FRMD4A: variants seen among roughly 807,000 people sequenced by gnomAD.
FRMD4A encodes FERM domain-containing protein 4A.
FRMD4A carries 29 observed loss-of-function variants against 129.1 expected under a neutral mutation model. The observed-to-expected ratio is 0.22, with a 90% CI of 0.17 to 0.31. FRMD4A has a LOEUF of 0.31. Among genes scored for constraint, FRMD4A ranks in the 10% least tolerant of loss-of-function variants. The pLI is 1.00. For missense variants in FRMD4A, 1,272 were observed against 1,375.8 expected, an observed-to-expected ratio of 0.92 and a Z score of 1.19; for synonymous variants, 634 against 571.6, an observed-to-expected ratio of 1.11 and a Z score of -1.56.
rs1843419301 is a variant in FRMD4A at position 14,329,372 on chromosome 10, C to T, written c.45+686G>A. Among the ~76,000 whole-genome samples the T allele has an allele frequency of 2.0e-5, 3 of 152,198 alleles. No individual in the cohort carries two copies. The South Asian group carries it at 6.2e-4, about 31-fold the overall frequency. ...AAGCCAAAAGCCAATTGGGTTGGAA[C>T]AAGACAGTGCCCATGTCCTTGTGTG... On this transcript the variant is annotated intron_variant, in intron 2 of 24. Coordinates refer to ENST00000357447, the MANE Select transcript of FRMD4A (RefSeq NM_018027.5).
intron 2 of FRMD4A, among the ~76,000 whole-genome samples, chr10:13,879,288 G>A (rs1445007758): frequency 6.6e-6 from 1 of 151,888 alleles, no homozygotes; most frequent in Admixed American, 6.6e-5. Context: ...GCTTTGGCCT[G>A]GAGTTCAAAA....
At chr10:14,230,010 G>A (rs1014441286) in intron 2 of FRMD4A, among the ~76,000 whole-genome samples, 1 of 152,212 alleles carries the variant, frequency 6.6e-6, no homozygotes, top group Non-Finnish European at 1.5e-5. Context: ...GTCTATAGAG[G>A]AAGGCTGATC....
At chr10:13,862,954 CT>C (rs963220545) in intron 2 of FRMD4A, among the ~76,000 whole-genome samples, 25 of 138,296 alleles carry the variant, frequency 1.8e-4, no homozygotes, top group East Asian at 4.2e-4. Context: ...TTTTTTGTTT[CT>C]TTTTTTTTTC....
intron 2 of FRMD4A, among the ~76,000 whole-genome samples, chr10:14,064,576 T>A (rs569994062): frequency 1.3e-5 from 2 of 152,290 alleles, no homozygotes; most frequent in Non-Finnish European, 2.9e-5. Context: ...ATTCTGCTTA[T>A]TTTTTTATTT....
intron 2 of FRMD4A, among the ~76,000 whole-genome samples, chr10:14,218,844 A>G (rs1466636100): frequency 6.6e-6 from 1 of 151,574 alleles, no homozygotes; most frequent in Admixed American, 6.6e-5. Flanking sequence ...AATCCCAGCT[A>G]TTTGGGAGGC....
chr10:13,849,895 C>A (rs145226497), intron 3 of FRMD4A, among the ~76,000 whole-genome samples: 1 of 151,696 alleles, frequency 6.6e-6, no homozygotes, highest in Admixed American at 6.6e-5. Flanking sequence ...TTAGGCCGGG[C>A]GCAGTGGCTC....
At chr10:14,241,244 A>G (rs2132004689) in intron 2 of FRMD4A, among the ~76,000 whole-genome samples, 1 of 152,342 alleles carries the variant, frequency 6.6e-6, no homozygotes, top group East Asian at 1.9e-4. Flanking sequence ...TTCCTTCACT[A>G]TATTTATGAA....
intron 13 of FRMD4A, among the ~76,000 whole-genome samples, chr10:13,704,995 G>A (rs574154871): frequency 6.6e-6 from 1 of 152,234 alleles, no homozygotes; most frequent in Admixed American, 6.5e-5. Flanking sequence ...AATTGCTTGA[G>A]CCTGGAAGGT....
At chr10:14,185,855 C>CCCATA (rs1217946114) in intron 2 of FRMD4A, among the ~76,000 whole-genome samples, 1 of 152,022 alleles carries the variant, frequency 6.6e-6, no homozygotes, top group Non-Finnish European at 1.5e-5. Context: ...GGCCAGGTTT[C>CCCATA]CCATAGAGTT....
chr10:13,971,820 C>T (rs2095520434), intron 2 of FRMD4A: 2 of 1,304,234 alleles, frequency 1.5e-6, no homozygotes, highest in Non-Finnish European at 2.0e-6. Context: ...GACTCTGCCG[C>T]CAACCCTCTG....
At chr10:14,200,746 C>T (rs571385069) in intron 2 of FRMD4A, among the ~76,000 whole-genome samples, 1 of 152,328 alleles carries the variant, frequency 6.6e-6, no homozygotes, top group South Asian at 2.1e-4. Flanking sequence ...AGCTATGGCT[C>T]TTCCTTTTCA....
chr10:14,271,264 T>C lies in FRMD4A; in HGVS notation c.45+58794A>G, dbSNP rs919542553. Among the ~76,000 whole-genome samples the C allele has an allele frequency of 3.3e-5, 5 of 152,228 alleles. No homozygotes were observed. The East Asian group carries it at 5.8e-4, about 18-fold the overall frequency. ...GACAAATATCCACAGTACATCACTA[T>C]ACATACATTTTTTTAAAAGTTAGTA... On this transcript the variant is annotated intron_variant, in intron 2 of 24. Transcript: ENST00000357447.
intron 5 of FRMD4A, among the ~76,000 whole-genome samples, chr10:13,788,608 AG>A (rs1422125246): frequency 2.0e-5 from 3 of 152,138 alleles, no homozygotes; most frequent in South Asian, 2.1e-4. Context: ...ACTGAATCTT[AG>A]GGCATCTATT....
chr10:13,833,710 A>G (rs537083665), intron 3 of FRMD4A, among the ~76,000 whole-genome samples: 5 of 151,968 alleles, frequency 3.3e-5, no homozygotes, highest in Admixed American at 6.6e-5. Flanking sequence ...AATGCCTAGC[A>G]TCTCGTAAGT....
intron 2 of FRMD4A, among the ~76,000 whole-genome samples, chr10:14,014,607 T>C (rs1029456638): frequency 6.6e-6 from 1 of 152,204 alleles, no homozygotes; most frequent in African/African-American, 2.4e-5. Context: ...TCCATAATTT[T>C]CTGTTTGAAA....
chr10:14,270,930 TAA>T (rs756653686), intron 2 of FRMD4A, among the ~76,000 whole-genome samples: 1 of 152,142 alleles, frequency 6.6e-6, no homozygotes, highest in Non-Finnish European at 1.5e-5. Context: ...GGGTAATTTA[TAA>T]AAAAAGAGAT....
chr10:14,295,308 T>C (rs1845975618), intron 2 of FRMD4A, among the ~76,000 whole-genome samples: 1 of 152,178 alleles, frequency 6.6e-6, no homozygotes, highest in Admixed American at 6.5e-5. Context: ...ATACCTAACT[T>C]CCACTAAAGA....
intron 2 of FRMD4A, among the ~76,000 whole-genome samples, chr10:13,966,263 T>A (rs1490354949): frequency 6.6e-6 from 1 of 152,208 alleles, no homozygotes; most frequent in Non-Finnish European, 1.5e-5. Context: ...CCTCAGGTGA[T>A]CTGCCTGTCT....
chr10:14,136,537 T>C (rs1393803928), intron 2 of FRMD4A, among the ~76,000 whole-genome samples: 1 of 152,106 alleles, frequency 6.6e-6, no homozygotes, highest in Non-Finnish European at 1.5e-5. Context: ...TAAGTGACTA[T>C]TCCTCTACCC....
Sources: gnomAD v4.1 joint callset for allele counts (sites outside exome capture counted in the v4.1 genomes callset) on GRCh38, gnomAD v4.1.1 for gene constraint, MANE v1.5 for transcripts, NCBI Gene and HGNC (gene_info 2026-07-23, HGNC 2026-07-21) for gene names.